GDPD4: variants seen among roughly 807,000 people sequenced by gnomAD.
GDPD4 encodes glycerophosphodiester phosphodiesterase 6.
GDPD4 carries 60 observed loss-of-function variants against 67.8 expected under a neutral mutation model. That is an observed-to-expected ratio of 0.88 (90% CI 0.72 to 1.10). The LOEUF (loss-of-function observed/expected upper bound fraction) is 1.10, where lower values mean the gene tolerates loss of function less well. Among genes scored for constraint, GDPD4 ranks in the 50% least tolerant of loss-of-function variants. The probability of loss-of-function intolerance (pLI) is 0.00; values close to 1 mark genes in which losing one functional copy is unlikely to be tolerated. For missense variants in GDPD4, 623 were observed against 613.9 expected, an observed-to-expected ratio of 1.01 and a Z score of -0.16; for synonymous variants, 212 against 210.9, an observed-to-expected ratio of 1.00 and a Z score of -0.04.
In GDPD4 at chr11:77,268,925, A is replaced by C. The variant is rs1489203872; in HGVS notation, c.623T>G (p.Met208Arg). ...PTIFGHRGAP[M>R]LGPENTMMSF... is the part of the protein sequence containing the mutation. ...CATGTTCATCATGCTCAGACCTACCATGGGTGCACCTCTATGTCCAAAGAT... is the reference window on the plus strand; with the variant it reads ...CATGTTCATCATGCTCAGACCTACCCTGGGTGCACCTCTATGTCCAAAGAT... Residue 208 changes from methionine to arginine, a missense_variant and splice_region_variant, in exon 9 of 17, where the codon ATG (methionine) becomes AGG (arginine). Transcript: ENST00000315938. 1 of 1,613,560 alleles carries C rather than the reference A, an allele frequency of 6.2e-7. No individual in the cohort carries two copies. Among genetic ancestry groups the C allele is most frequent in the Non-Finnish European group, 8.5e-7 (1 of 1,179,738 alleles).
chr11:77,232,377 C>T (rs1269421471), intron 14 of GDPD4, among the ~76,000 whole-genome samples: 1 of 152,220 alleles, frequency 6.6e-6, no homozygotes, highest in Non-Finnish European at 1.5e-5. Flanking sequence ...ACTCTCTGTA[C>T]AGATAAGAAC....
At chr11:77,224,556 C>G (rs1269530305) in intron 16 of GDPD4, among the ~76,000 whole-genome samples, 3 of 152,138 alleles carry the variant, frequency 2.0e-5, no homozygotes, top group Admixed American at 1.3e-4. Context: ...TCTAGGAGCT[C>G]AGACCAAAAC....
intron 1 of GDPD4, among the ~76,000 whole-genome samples, chr11:77,297,928 T>C (rs1036281868): frequency 4.6e-5 from 7 of 152,154 alleles, no homozygotes; most frequent in Admixed American, 2.0e-4. Context: ...TTAAGTATAA[T>C]ATAATGTAAT....
intron 13 of GDPD4, among the ~76,000 whole-genome samples, chr11:77,242,420 A>C (rs1467025627): frequency 2.6e-5 from 4 of 152,216 alleles, no homozygotes; most frequent in Non-Finnish European, 5.9e-5. Flanking sequence ...CATTTAAAGC[A>C]TTCTCAGTTA....
In GDPD4 at chr11:77,219,452, C is replaced by T. The variant is rs568882966; in HGVS notation, c.1526-2138G>A. Among the ~76,000 whole-genome samples the T allele has an allele frequency of 2.0e-5, 3 of 152,288 alleles. No homozygotes were observed. In the South Asian group the frequency reaches 6.2e-4, roughly 32 times the overall value. On this transcript the variant is annotated intron_variant, in intron 16 of 16. Transcript: ENST00000315938. The stretch of plus-strand genomic sequence containing the variant: ...GTGTTTTAGTCATGAAGTCCTTGCC[C>T]ATGCCTATGTCCTGAATGGTATTGC...
chr11:77,238,124 C>G (rs1037315981), intron 13 of GDPD4, among the ~76,000 whole-genome samples: 2 of 151,972 alleles, frequency 1.3e-5, no homozygotes, highest in Non-Finnish European at 2.9e-5. Flanking sequence ...GATAACAAAG[C>G]CAAAATTCAG....
chr11:77,246,144 G>T (rs555942402), intron 11 of GDPD4, among the ~76,000 whole-genome samples: 1 of 152,222 alleles, frequency 6.6e-6, no homozygotes, highest in South Asian at 2.1e-4. Flanking sequence ...AAAATAGCTG[G>T]GTGTGGAGAT....
At chr11:77,281,099 T>C (rs979095290) in intron 3 of GDPD4, among the ~76,000 whole-genome samples, 3 of 152,218 alleles carry the variant, frequency 2.0e-5, no homozygotes, top group African/African-American at 7.2e-5. Flanking sequence ...ACCTCCATTT[T>C]GGATGTAGGC....
chr11:77,274,289 A>C lies in GDPD4; in HGVS notation c.207+1872T>G, dbSNP rs533476018. Reference sequence around the variant, plus strand: ...CCAGTTCATACTTCTCATTTGAATAAGAGGATATTGATAAGGCTTGGACCT... The same window carrying C: ...CCAGTTCATACTTCTCATTTGAATACGAGGATATTGATAAGGCTTGGACCT... On this transcript the variant is annotated intron_variant, in intron 5 of 16. Transcript: ENST00000315938. Among the ~76,000 whole-genome samples, 3 of 152,336 alleles carry C rather than the reference A, an allele frequency of 2.0e-5. No individual in the cohort carries two copies. The South Asian group carries it at 6.2e-4, about 32-fold the overall frequency.
intron 3 of GDPD4, among the ~76,000 whole-genome samples, chr11:77,280,299 A>C (rs868813431): frequency 2.6e-5 from 4 of 152,186 alleles, no homozygotes; most frequent in Admixed American, 1.3e-4. Flanking sequence ...AGAGCCACAA[A>C]ATAAATATAT....
chr11:77,230,658 C>G (rs568634180), intron 14 of GDPD4, among the ~76,000 whole-genome samples: 215 of 152,264 alleles, frequency 1.4e-3, no homozygotes, highest in African/African-American at 5.0e-3. Context: ...AAATGACTGT[C>G]AAAAGGTGAA....
intron 16 of GDPD4, among the ~76,000 whole-genome samples, chr11:77,227,440 G>C (rs536057417): frequency 1.3e-5 from 2 of 152,184 alleles, no homozygotes; most frequent in African/African-American, 4.8e-5. Context: ...GCCTGGCCCA[G>C]TGATGTCAAT....
chr11:77,267,696 T>C (rs1028540047), intron 10 of GDPD4, among the ~76,000 whole-genome samples: 8 of 152,210 alleles, frequency 5.3e-5, no homozygotes, highest in African/African-American at 1.9e-4. Context: ...TTTGAAAGTT[T>C]ATATATCCTA....
At chr11:77,252,004 C>T (rs1958908373) in intron 11 of GDPD4, among the ~76,000 whole-genome samples, 1 of 148,468 alleles carries the variant, frequency 6.7e-6, no homozygotes, top group Non-Finnish European at 1.5e-5. Flanking sequence ...TATTTTGGTA[C>T]TTGAATTATT....
intron 13 of GDPD4, 60 bp from the exon 14 acceptor site, chr11:77,233,232 AG>A (rs1958487075): frequency 1.3e-6 from 2 of 1,525,354 alleles, no homozygotes; most frequent in Admixed American, 1.7e-5. Context: ...ATCATCTAAA[AG>A]GAGAACAGCC....
chr11:77,266,512 T>C (rs1436146314), intron 10 of GDPD4, among the ~76,000 whole-genome samples: 4 of 152,192 alleles, frequency 2.6e-5, no homozygotes, highest in Admixed American at 6.5e-5. Flanking sequence ...TATTTTAGAG[T>C]ATATACATTC....
At position 77,216,972 on chromosome 11, in the gene GDPD4, G is replaced by C; in HGVS notation, c.*305C>G. On this transcript the variant is annotated 3_prime_UTR_variant, in exon 17 of 17. Coordinates refer to ENST00000315938, the MANE Select transcript of GDPD4 (RefSeq NM_182833.3). ...GGGACCTCTATGGAGGGCATGGTTGGCTTATCCACCTTCAGGGTGGGCAAT... is the reference window on the plus strand; with the variant it reads ...GGGACCTCTATGGAGGGCATGGTTGCCTTATCCACCTTCAGGGTGGGCAAT... 1 of 702,944 alleles carries C rather than the reference G, an allele frequency of 1.4e-6. No homozygotes were observed. The highest frequency in any genetic ancestry group is 2.6e-6 in the Non-Finnish European group (1 of 385,006). The allele number at this position is 702,944 out of a possible 1,614,324, so 43.5% of individuals were successfully genotyped here.
At chr11:77,298,340 C>T (rs1327483742) in intron 1 of GDPD4, among the ~76,000 whole-genome samples, 8 of 152,074 alleles carry the variant, frequency 5.3e-5, no homozygotes, top group African/African-American at 1.7e-4. Flanking sequence ...GGTGAAACCC[C>T]GTTTCTACTA....
chr11:77,223,470 GT>G (rs1479915298), intron 16 of GDPD4, among the ~76,000 whole-genome samples: 1 of 152,122 alleles, frequency 6.6e-6, no homozygotes, highest in Admixed American at 6.5e-5. Context: ...TATTGGGGGA[GT>G]TTGCTGGAGG....
Sources: gnomAD v4.1 joint callset for allele counts (sites outside exome capture counted in the v4.1 genomes callset) on GRCh38, gnomAD v4.1.1 for gene constraint, MANE v1.5 for transcripts, NCBI Gene and HGNC (gene_info 2026-07-23, HGNC 2026-07-21) for gene names.